KRT85: variants seen among roughly 807,000 people sequenced by gnomAD.
The protein encoded by KRT85 is keratin, type II cuticular Hb5.
A neutral mutation model predicts 53.7 loss-of-function variants in KRT85; 39 were observed. The observed-to-expected ratio is 0.73, with a 90% CI of 0.56 to 0.95. The LOEUF (loss-of-function observed/expected upper bound fraction) is 0.95, where lower values mean the gene tolerates loss of function less well. Ranked by LOEUF, KRT85 falls within the 40% of genes least tolerant of loss-of-function variation. The pLI is 0.00. For synonymous variants in KRT85, 291 were observed against 277.5 expected (o/e 1.05, Z -0.48); for missense variants, 668 against 686.0 (o/e 0.97, Z 0.29).
In KRT85 at chr12:52,360,954, C is replaced by T. The variant is rs375859159; in HGVS notation, c.1423G>A (p.Gly475Ser). Residue 475 changes from glycine to serine, a missense_variant, in exon 9 of 9, where the codon GGC (glycine) becomes AGC (serine). Physicochemically the swap from Gly to Ser is moderately conservative, Grantham distance 56 (BLOSUM62 0). Coordinates refer to ENST00000257901, the MANE Select transcript of KRT85 (RefSeq NM_002283.4). ...RQITSGPSAI[G>S]GSITVVAPDS... ...GGGGCCACCACCGTGATGCTGCCGC[C>T]TATGGCTGAGGGGCCAGAAGTGATC... The T allele has an allele frequency of 6.2e-7, 1 of 1,613,296 alleles. No individual in the cohort carries two copies. Among genetic ancestry groups the T allele is most frequent in the Non-Finnish European group, 8.5e-7 (1 of 1,179,988 alleles).
chr12:52,360,951 C>A lies in KRT85; in HGVS notation c.1426G>T (p.Gly476Cys). ...TCAGGGGCCACCACCGTGATGCTGC[C>A]GCCTATGGCTGAGGGGCCAGAAGTG... ...QITSGPSAIGGSITVVAPDSC... is the reference protein window; with the variant it reads ...QITSGPSAIGCSITVVAPDSC... Residue 476 changes from glycine to cysteine, a missense_variant, in exon 9 of 9, where the codon GGC becomes TGC. Gly to Cys is a radical substitution (Grantham distance 159). Around this residue, in one of 3 missense-constraint regions of KRT85, gnomAD observed 488 missense variants for 498.1 expected, o/e 0.98. Transcript: ENST00000257901. 6.2e-7 allele frequency: 1 copy of A among 1,613,314 alleles called. No homozygotes were observed. The highest frequency in any genetic ancestry group is 8.5e-7 in the Non-Finnish European group (1 of 1,179,974).
chr12:52,367,004 G>A lies in KRT85; in HGVS notation c.402C>T (p.Phe134=), dbSNP rs1287467849. ...KEQIKSLNSR[F]AAFIDKVRFL... is the part of the protein sequence containing the mutation. ...CACCCACCTTGTCGATGAAGGCCGC[G>A]AACCTGCTGTTGAGGGACTTGATCT... Residue 134 remains phenylalanine (F), a synonymous_variant, in exon 1 of 9, where the codon TTC becomes TTT. Transcript: ENST00000257901. The A allele has an allele frequency of 1.9e-6, 3 of 1,613,860 alleles. No homozygotes were observed. The highest frequency in any genetic ancestry group is 3.3e-5 in the Admixed American group (2 of 60,006).
intron 5 of KRT85, 96 bp from the exon 6 acceptor site, chr12:52,363,075 T>G (rs1380209895): frequency 1.3e-6 from 2 of 1,592,136 alleles, no homozygotes; most frequent in Non-Finnish European, 1.7e-6. Flanking sequence ...GTGCTCAGCC[T>G]GTGCAACCAC....
chr12:52,362,557 G>C, intron 6 of KRT85, 86 bp from the exon 7 acceptor site: 1 of 1,520,962 alleles, frequency 6.6e-7, no homozygotes, highest in Non-Finnish European at 9.0e-7. Context: ...GGCAGGGAGA[G>C]GAGGGTCCTG....
chr12:52,366,347 T>G (rs1168306786), intron 1 of KRT85, among the ~76,000 whole-genome samples: 1 of 152,248 alleles, frequency 6.6e-6, no homozygotes, highest in Non-Finnish European at 1.5e-5. Flanking sequence ...ATGCATGGAC[T>G]CATTAATTCC....
At position 52,360,488 on chromosome 12, in the gene KRT85, G is replaced by A. The variant is rs1939172775; in HGVS notation, c.*365C>T. The A allele has an allele frequency of 3.4e-6, 1 of 296,976 alleles. No homozygotes were observed. Among genetic ancestry groups the A allele is most frequent in the Admixed American group, 4.8e-5 (1 of 20,898 alleles). 18.4% of individuals were successfully genotyped at this position (296,976 alleles called of 1,614,324 possible). ...GTGGGTGGCCTGGCTGGATGGTTAG[G>A]ATGGCGCCTCCACCCAGAAGGTGGA... On this transcript the variant is annotated 3_prime_UTR_variant, in exon 9 of 9. Transcript: ENST00000257901.
chr12:52,360,232 G>T lies in KRT85; in HGVS notation c.*621C>A. On this transcript the variant is annotated 3_prime_UTR_variant, in exon 9 of 9. Transcript: ENST00000257901. Reference sequence around the variant, plus strand: ...CTGAATAGCAAGACCTGTCCAAAGTGCCCTAACCAGGGGCTGTAGGCAAAA... The same window carrying T: ...CTGAATAGCAAGACCTGTCCAAAGTTCCCTAACCAGGGGCTGTAGGCAAAA... 5.9e-6 allele frequency: 1 copy of T among 168,466 alleles called. No homozygotes were observed. Among genetic ancestry groups the T allele is most frequent in the East Asian group, 1.8e-4 (1 of 5,684 alleles). The allele number at this position is 168,466 out of a possible 1,614,324, so 10.4% of individuals were successfully genotyped here.
intron 1 of KRT85, among the ~76,000 whole-genome samples, chr12:52,366,154 C>G (rs138382284): frequency 6.8e-4 from 103 of 152,330 alleles, no homozygotes; most frequent in African/African-American, 2.4e-3. Context: ...CACACTCTGG[C>G]TGCATTAGGG....
rs145119264 is a variant in KRT85, at chr12:52,364,337, G to A, written c.659C>T (p.Thr220Ile). 3.1e-6 allele frequency: 5 copies of A among 1,614,078 alleles called. No individual in the cohort carries two copies. The highest frequency in any genetic ancestry group is 4.2e-6 in the Non-Finnish European group (5 of 1,180,034). Residue 220 changes from threonine (T) to isoleucine (I), a missense_variant, in exon 3 of 9, where the codon ACA (threonine) becomes ATA (isoleucine). By Grantham distance (89) the Thr-to-Ile change is moderately conservative. Transcript: ENST00000257901. Reference protein sequence around the residue: ...KYEEEVALRATAENEFVVLKK... With the variant: ...KYEEEVALRAIAENEFVVLKK... ...TAGAACGACAAACTCATTCTCTGCT[G>A]TGGCTCTCAGGGCCACCTCCTCTTC...
chr12:52,361,442 A>G (rs776429513), intron 8 of KRT85, 25 bp downstream of exon 8: 3 of 1,612,276 alleles, frequency 1.9e-6, no homozygotes, highest in Non-Finnish European at 1.7e-6. Context: ...CCATTTTTCC[A>G]GGAGAATTTC....
rs376400757 is a variant in KRT85, at chr12:52,367,088, C to T, written c.318G>A (p.Thr106=). The change falls in exon 1 of 9, where the codon ACG becomes ACA. Residue 106 remains threonine, a synonymous_variant. Transcript: ENST00000257901. ...TGGGGTCGATCTCCAGGTTGAGGGG[C>T]GTGAGGAGGCTCTCGTTGACCGACA... ...TTVSVNESLL[T]PLNLEIDPNA... 35 of 1,613,258 alleles carry T rather than the reference C, an allele frequency of 2.2e-5. No individual in the cohort carries two copies. Among genetic ancestry groups the T allele is most frequent in the Non-Finnish European group, 2.8e-5 (33 of 1,179,920 alleles).
chr12:52,366,857 G>A, intron 1 of KRT85, 129 bp downstream of exon 1: 1 of 1,478,040 alleles, frequency 6.8e-7, no homozygotes, highest in South Asian at 1.1e-5. Context: ...CCTTCCACCT[G>A]TATGGGTCTG....
At chr12:52,363,102 C>A in intron 5 of KRT85, 123 bp from the exon 6 acceptor site, 1 of 1,559,806 alleles carries the variant, frequency 6.4e-7, no homozygotes, top group Non-Finnish European at 8.8e-7. Context: ...CAGTCCTGCC[C>A]TGCCACTTCA....
chr12:52,362,713 G>T, intron 6 of KRT85, 141 bp downstream of exon 6: 1 of 1,386,848 alleles, frequency 7.2e-7, no homozygotes, highest in Non-Finnish European at 1.0e-6. Context: ...TCAGTGACAT[G>T]GTCTGATTGC....
Position 52,363,250 on chromosome 12 carries a change from C to G in KRT85, c.947G>C (p.Ser316Thr). Residue 316 changes from serine to threonine, a missense_variant, in exon 5 of 9, where the codon AGC becomes ACC. By Grantham distance (58) the Ser-to-Thr change is moderately conservative. Coordinates refer to ENST00000257901, the MANE Select transcript of KRT85 (RefSeq NM_002283.4). ...CAGGTGTCCTGTGCCACTCACCTTG[C>G]TACGGTACCAGGACTCAGCCTCGGC... ...SRAEAESWYR[S>T]KCEEMKATVI... 3 of 1,614,214 alleles carry G rather than the reference C, an allele frequency of 1.9e-6. No homozygotes were observed.
chr12:52,363,198 T>C (rs1438959141), intron 5 of KRT85, 48 bp downstream of exon 5: 6 of 1,610,976 alleles, frequency 3.7e-6, no homozygotes, highest in Admixed American at 1.7e-5. Context: ...GATGCCTAAC[T>C]TCCCTCCCAC....
In KRT85 at chr12:52,361,456, C is replaced by T; in HGVS notation, c.1330+11G>A. On this transcript the variant is annotated intron_variant, in intron 8 of 8. Coordinates refer to ENST00000257901, the MANE Select transcript of KRT85 (RefSeq NM_002283.4). Reference sequence around the variant, plus strand: ...GCCATTTTTCCAGGAGAATTTCAGGCAGATACTCACAGACATTCACAGAGC... The same window carrying T: ...GCCATTTTTCCAGGAGAATTTCAGGTAGATACTCACAGACATTCACAGAGC... The T allele has an allele frequency of 6.2e-7, 1 of 1,613,662 alleles. No homozygotes were observed. Among genetic ancestry groups the T allele is most frequent in the Non-Finnish European group, 8.5e-7 (1 of 1,179,586 alleles).
chr12:52,363,419 C>A lies in KRT85; in HGVS notation c.787-9G>T. The A allele has an allele frequency of 1.2e-6, 2 of 1,614,144 alleles. No homozygotes were observed. Among genetic ancestry groups the A allele is most frequent in the Non-Finnish European group, 1.7e-6 (2 of 1,180,024 alleles). On this transcript the variant is annotated splice_polypyrimidine_tract_variant and intron_variant, in intron 4 of 8. Coordinates refer to ENST00000257901, the MANE Select transcript of KRT85 (RefSeq NM_002283.4). Reference sequence around the variant, plus strand: ...TGGAGAACGCGGATCTCCTGTGGGGCCAACAGCCAGTGCATTTGCTTCTAG... The same window carrying A: ...TGGAGAACGCGGATCTCCTGTGGGGACAACAGCCAGTGCATTTGCTTCTAG...
Position 52,361,463 on chromosome 12 carries a change from T to C in KRT85, c.1330+4A>G. ...TTCCAGGAGAATTTCAGGCAGATACTCACAGACATTCACAGAGCCCACACC... is the reference window on the plus strand; with the variant it reads ...TTCCAGGAGAATTTCAGGCAGATACCCACAGACATTCACAGAGCCCACACC... On this transcript the variant is annotated splice_donor_region_variant and intron_variant, in intron 8 of 8. Transcript: ENST00000257901. The C allele has an allele frequency of 6.2e-7, 1 of 1,613,856 alleles. No homozygotes were observed. Among genetic ancestry groups the C allele is most frequent in the Non-Finnish European group, 8.5e-7 (1 of 1,179,774 alleles).
Sources: allele counts gnomAD v4.1 joint callset (sites outside exome capture counted in the v4.1 genomes callset), GRCh38; gene constraint gnomAD v4.1.1; regional missense constraint gnomAD v4.1.1; transcripts MANE v1.5; gene names NCBI Gene and HGNC (gene_info 2026-07-23, HGNC 2026-07-21).